Variants in DENND2B observed in about 807,000 individuals in gnomAD.
The protein encoded by DENND2B is DENN domain containing 2B, also known as DENN domain-containing protein 2B.
A neutral mutation model predicts 116.0 loss-of-function variants in DENND2B; 32 were observed. The observed-to-expected ratio is 0.28, with a 90% CI of 0.21 to 0.37. The LOEUF is 0.37. Among genes scored for constraint, DENND2B ranks in the 10% least tolerant of loss-of-function variants. DENND2B has a pLI of 1.00. For synonymous variants in DENND2B, 588 were observed against 583.9 expected, an observed-to-expected ratio of 1.01 and a Z score of -0.10; for missense variants, 1,276 against 1,477.7, an observed-to-expected ratio of 0.86 and a Z score of 2.24.
chr11:8,903,004 C>T (rs532213106), intron 1 of DENND2B, among the ~76,000 whole-genome samples: 21 of 152,090 alleles, frequency 1.4e-4, no homozygotes, highest in African/African-American at 2.9e-4. Flanking sequence ...AGACTACAGG[C>T]ATGCGCCACC....
At chr11:8,809,172 A>C (rs1299854782) in intron 1 of DENND2B, 1 of 152,250 alleles carries the variant, frequency 6.6e-6, no homozygotes, top group Non-Finnish European at 1.5e-5. Context: ...TCTGAGGTCC[A>C]GGGCCATGGA....
intron 1 of DENND2B, among the ~76,000 whole-genome samples, chr11:8,786,665 C>A (rs2058932768): frequency 6.6e-6 from 1 of 152,108 alleles, no homozygotes; most frequent in African/African-American, 2.4e-5. Context: ...TAAAAATTAG[C>A]TGGGCATGGT....
rs570914745 is a variant in DENND2B at position 8,777,402 on chromosome 11, T to C, written c.-25-26677A>G. Among the ~76,000 whole-genome samples, 135 of 152,294 alleles carry C rather than the reference T, an allele frequency of 8.9e-4. 1 individual carries two copies. Among genetic ancestry groups the C allele is most frequent in the African/African-American group, 3.0e-3 (125 of 41,560 alleles). On this transcript the variant is annotated intron_variant, in intron 1 of 19. Coordinates refer to ENST00000313726, the MANE Select transcript of DENND2B (RefSeq NM_213618.2). ...TGACTGGGGAAAAGGCCCACATATT[T>C]TTCATGTCTCACCCTCAGACTGGAG...
intron 5 of DENND2B, 83 bp downstream of exon 5, chr11:8,717,658 A>G (rs1467482218): frequency 4.8e-6 from 7 of 1,458,694 alleles, no homozygotes; most frequent in Non-Finnish European, 6.4e-6. Context: ...GCCTGAGTGG[A>G]AGCTGGGCCC....
upstream of DENND2B, among the ~76,000 whole-genome samples, chr11:8,875,472 C>A (rs1036121702): frequency 1.3e-5 from 2 of 150,748 alleles, no homozygotes; most frequent in African/African-American, 4.9e-5. Flanking sequence ...TCTCTGTTGC[C>A]CAGGCTGGAG....
intron 3 of DENND2B, among the ~76,000 whole-genome samples, chr11:8,850,698 A>G (rs1405364672): frequency 6.6e-6 from 1 of 152,272 alleles, no homozygotes; most frequent in Admixed American, 6.5e-5. Flanking sequence ...ATATGAAATC[A>G]GTATGTCAAA....
chr11:8,826,243 C>T (rs1005049994), intron 4 of DENND2B, among the ~76,000 whole-genome samples: 7 of 152,172 alleles, frequency 4.6e-5, no homozygotes, highest in Admixed American at 3.9e-4. Flanking sequence ...AGCTGGGGCT[C>T]TGACCATCCG....
chr11:8,750,471 A>G (rs1285234171), intron 2 of DENND2B, 150 bp downstream of exon 2: 4 of 665,078 alleles, frequency 6.0e-6, no homozygotes, highest in Non-Finnish European at 5.3e-6. Context: ...GAACTAGAAA[A>G]TATCTTCTGC....
At chr11:8,882,483 T>C (rs1429782872) in intron 1 of DENND2B, among the ~76,000 whole-genome samples, 1 of 152,218 alleles carries the variant, frequency 6.6e-6, no homozygotes, top group Non-Finnish European at 1.5e-5. Context: ...GTTATTTATC[T>C]ATCAGTATAA....
intron 4 of DENND2B, chr11:8,718,872 A>G: frequency 1.0e-6 from 1 of 995,206 alleles, no homozygotes; most frequent in Non-Finnish European, 1.2e-6. Context: ...ACATTTTCTA[A>G]AATAGAGTAA....
At chr11:8,876,424 G>A (rs920448964) in intron 2 of DENND2B, among the ~76,000 whole-genome samples, 1 of 152,076 alleles carries the variant, frequency 6.6e-6, no homozygotes, top group African/African-American at 2.4e-5. Context: ...ATACCATGCA[G>A]TGCCTTTTGT....
intron 3 of DENND2B, among the ~76,000 whole-genome samples, chr11:8,851,499 T>C (rs1459716348): frequency 6.6e-6 from 1 of 152,226 alleles, no homozygotes; most frequent in African/African-American, 2.4e-5. Context: ...TCTTTTTAGT[T>C]TGGCAAGAAT....
At chr11:8,729,327 A>T (rs1421384636) in intron 3 of DENND2B, among the ~76,000 whole-genome samples, 1 of 152,136 alleles carries the variant, frequency 6.6e-6, no homozygotes. Context: ...TGGGGTTAGA[A>T]ATCCTGAGAC....
At chr11:8,811,409 C>T (rs947223943), upstream of DENND2B, 1 of 398,142 alleles carries the variant, frequency 2.5e-6, no homozygotes, top group Non-Finnish European at 4.4e-6. Context: ...ACAACCCAGA[C>T]GACAAACCTG....
At chr11:8,768,565 G>A (rs2056310683) in intron 1 of DENND2B, among the ~76,000 whole-genome samples, 1 of 152,170 alleles carries the variant, frequency 6.6e-6, no homozygotes, top group South Asian at 2.1e-4. Flanking sequence ...TTCTAATGTG[G>A]TTTGTAAACT....
At chr11:8,905,423 A>T (rs1239410261) in intron 1 of DENND2B, among the ~76,000 whole-genome samples, 1 of 152,326 alleles carries the variant, frequency 6.6e-6, no homozygotes, top group African/African-American at 2.4e-5. Context: ...TGTAAAAACT[A>T]AAATATACAA....
chr11:8,823,686 A>G (rs1300126518), intron 4 of DENND2B, among the ~76,000 whole-genome samples: 1 of 152,106 alleles, frequency 6.6e-6, no homozygotes, highest in East Asian at 1.9e-4. Context: ...CCATGATTCT[A>G]AGTTTCCTGA....
chr11:8,769,549 T>G (rs377023166), intron 1 of DENND2B, among the ~76,000 whole-genome samples: 1 of 152,090 alleles, frequency 6.6e-6, no homozygotes, highest in Admixed American at 6.6e-5. Context: ...TGTGAACCAC[T>G]GCGCCTGGTC....
In DENND2B at chr11:8,736,766, T is replaced by C. The variant is rs1009899146; in HGVS notation, c.81-5557A>G. ...GCCAGAGTGGAGGGAAACAATGAAGTGTGGGCTGGAGATGAGCCTGAGAGA... is the reference window on the plus strand; with the variant it reads ...GCCAGAGTGGAGGGAAACAATGAAGCGTGGGCTGGAGATGAGCCTGAGAGA... On this transcript the variant is annotated intron_variant, in intron 2 of 19. Transcript: ENST00000313726. Among the ~76,000 whole-genome samples, 73 of 152,114 alleles carry C rather than the reference T, an allele frequency of 4.8e-4. 1 individual carries two copies. Among genetic ancestry groups the C allele is most frequent in the Non-Finnish European group, 6.2e-4 (42 of 67,974 alleles).
Sources: gnomAD v4.1 joint callset for allele counts (sites outside exome capture counted in the v4.1 genomes callset) on GRCh38, gnomAD v4.1.1 for gene constraint, MANE v1.5 for transcripts, NCBI Gene and HGNC (gene_info 2026-07-23, HGNC 2026-07-21) for gene names.